Variants in UPF2 observed in about 807,000 individuals in gnomAD.
UPF2 encodes regulator of nonsense transcripts 2.
UPF2 carries 17 observed loss-of-function variants against 141.4 expected under a neutral mutation model. The ratio of observed to expected loss-of-function variants is 0.12; its 90% CI spans 0.08 to 0.18. The LOEUF is 0.18. Ranked by LOEUF, UPF2 falls within the 10% of genes least tolerant of loss-of-function variation. The probability of loss-of-function intolerance (pLI) is 1.00; values close to 1 mark genes in which losing one functional copy is unlikely to be tolerated. For synonymous variants in UPF2, 540 were observed against 498.0 expected, an observed-to-expected ratio of 1.08 and a Z score of -1.12; for missense variants, 1,152 against 1,515.9, an observed-to-expected ratio of 0.76 and a Z score of 3.99.
chr10:12,025,697 G>A (rs984326875), intron 3 of UPF2, among the ~76,000 whole-genome samples: 2 of 152,292 alleles, frequency 1.3e-5, no homozygotes, highest in East Asian at 3.9e-4. Context: ...CCACAAAGCT[G>A]TATTCTTAAC....
rs549097380 is a variant in UPF2 at position 11,991,029 on chromosome 10, T to C, written c.1844+6643A>G. ...AAAGGAAACCTGTTAATAACAAAGC[T>C]GAGCAAATCTAACTCATGATACGTA... On this transcript the variant is annotated intron_variant, in intron 8 of 21. Transcript: ENST00000357604. Among the ~76,000 whole-genome samples the C allele has an allele frequency of 4.1e-3, 608 of 150,046 alleles. 5 individuals carry two copies. The highest frequency in any genetic ancestry group is 5.4e-3 in the Non-Finnish European group (364 of 67,620).
rs549002630 is a variant in UPF2, at chr10:12,041,510, G to A, written c.-19+1245C>T. Among the ~76,000 whole-genome samples, 5 of 152,242 alleles carry A rather than the reference G, an allele frequency of 3.3e-5. No homozygotes were observed. In the South Asian group the frequency reaches 8.3e-4, roughly 25 times the overall value. ...ACTAGAAGTACCAATGGAGTGTATT[G>A]GGGGGAAGAGGGCACAAAAGGGGGT... On this transcript the variant is annotated intron_variant, in intron 1 of 21. Transcript: ENST00000357604.
intron 4 of UPF2, among the ~76,000 whole-genome samples, chr10:12,010,671 GA>G (rs974855360): frequency 6.6e-6 from 1 of 151,982 alleles, no homozygotes; most frequent in Non-Finnish European, 1.5e-5. Flanking sequence ...AAACACAATT[GA>G]AAAATAAAGG....
At chr10:12,022,250 A>C (rs1306643011) in intron 3 of UPF2, among the ~76,000 whole-genome samples, 1 of 151,890 alleles carries the variant, frequency 6.6e-6, no homozygotes, top group East Asian at 1.9e-4. Context: ...TGTCTCTTCT[A>C]AAACACAAAA....
At chr10:11,963,988 C>G in intron 11 of UPF2, 21 bp downstream of exon 11, 1 of 1,564,980 alleles carries the variant, frequency 6.4e-7, no homozygotes, top group Non-Finnish European at 8.8e-7. Flanking sequence ...CTAGCTCTTA[C>G]CAGCATCCTC....
intron 3 of UPF2, among the ~76,000 whole-genome samples, chr10:12,023,550 C>T (rs1307882492): frequency 2.0e-5 from 3 of 148,996 alleles, no homozygotes; most frequent in East Asian, 2.0e-4. Context: ...ATTAGCCAGG[C>T]GTGGTGGTGC....
Position 11,936,749 on chromosome 10 carries a change from AGATATATAC to A in UPF2, c.3379-46_3379-38del, listed in dbSNP as rs1198260143. 6.4e-7 allele frequency: 1 copy of A among 1,557,884 alleles called. No individual in the cohort carries two copies. The highest frequency in any genetic ancestry group is 8.7e-7 in the Non-Finnish European group (1 of 1,152,110). ...TAAAAAGGACATAATAAACACTCCA[AGATATATAC>A]GGATATATGTCAATATAAATTGCAA... On this transcript the variant is annotated intron_variant, in intron 18 of 21. Transcript: ENST00000357604. This position sits in a 1 kb window ranked among gnomAD's most constrained non-coding sequence, Gnocchi z 6.6.
intron 8 of UPF2, among the ~76,000 whole-genome samples, chr10:11,995,258 A>G (rs1028377352): frequency 2.6e-5 from 4 of 152,200 alleles, no homozygotes; most frequent in Admixed American, 6.5e-5. Context: ...GAGTAGAGAG[A>G]GCAAACAGTA....
intron 3 of UPF2, among the ~76,000 whole-genome samples, chr10:12,024,014 G>A (rs553787399): frequency 6.6e-6 from 1 of 152,094 alleles, no homozygotes; most frequent in Admixed American, 6.5e-5. Flanking sequence ...AATAATAAAA[G>A]ATATTGAATA....
intron 8 of UPF2, among the ~76,000 whole-genome samples, chr10:11,989,657 G>C (rs1222622754): frequency 6.6e-6 from 1 of 152,188 alleles, no homozygotes; most frequent in East Asian, 1.9e-4. Context: ...GGGACACAAT[G>C]TTACCCCAAT....
intron 8 of UPF2, among the ~76,000 whole-genome samples, chr10:11,990,594 A>C (rs903350657): frequency 8.1e-5 from 12 of 148,138 alleles, no homozygotes; most frequent in African/African-American, 2.2e-4. Context: ...GCAGGAGAAT[A>C]GCGTGAACCT....
intron 21 of UPF2, among the ~76,000 whole-genome samples, chr10:11,922,164 C>T (rs1832653552): frequency 6.6e-6 from 1 of 152,194 alleles, no homozygotes; most frequent in Non-Finnish European, 1.5e-5. Flanking sequence ...CAGTCTTCCT[C>T]CAGGCCTCAG....
At chr10:11,941,014 G>A (rs1832929958) in intron 18 of UPF2, among the ~76,000 whole-genome samples, 1 of 151,928 alleles carries the variant, frequency 6.6e-6, no homozygotes, top group Non-Finnish European at 1.5e-5. Flanking sequence ...ATCCTATCTA[G>A]GAATGCCCTT....
At chr10:11,964,258 G>C (rs1424495219) in intron 10 of UPF2, 133 bp from the exon 11 acceptor site, 1 of 492,834 alleles carries the variant, frequency 2.0e-6, no homozygotes, top group Non-Finnish European at 3.4e-6. Context: ...TGGGTTCACT[G>C]CTGAGCATCT....
chr10:11,970,072 G>A (rs2131211952), intron 9 of UPF2, among the ~76,000 whole-genome samples: 1 of 152,292 alleles, frequency 6.6e-6, no homozygotes, highest in East Asian at 1.9e-4. Context: ...TAGAATGTCT[G>A]TGCTCTTGAG....
chr10:11,991,877 G>A (rs1010537754), intron 8 of UPF2, among the ~76,000 whole-genome samples: 13 of 152,186 alleles, frequency 8.5e-5, no homozygotes, highest in African/African-American at 3.1e-4. Flanking sequence ...CAGGCGCAGT[G>A]GCTCACACCC....
At chr10:12,024,264 C>G (rs1834369339) in intron 3 of UPF2, among the ~76,000 whole-genome samples, 1 of 151,668 alleles carries the variant, frequency 6.6e-6, no homozygotes, top group East Asian at 1.9e-4. Flanking sequence ...TCGAGGCCAG[C>G]CTGGACAACA....
Position 11,931,835 on chromosome 10 carries a change from G to GA in UPF2, c.3547-54dup. ...AATAGTTTGAGAACACTGAGAGAAA[G>GA]AAAAAACAGACTTCAAATAAAATAG... On this transcript the variant is annotated intron_variant, in intron 19 of 21. Transcript: ENST00000357604. This position sits in a 1 kb window ranked among gnomAD's most constrained non-coding sequence, Gnocchi z 5.9. 6.5e-7 allele frequency: 1 copy of GA among 1,547,912 alleles called. No homozygotes were observed. The highest frequency in any genetic ancestry group is 2.3e-5 in the East Asian group (1 of 43,558).
chr10:11,970,789 G>C (rs1833403505), intron 9 of UPF2, among the ~76,000 whole-genome samples: 1 of 151,996 alleles, frequency 6.6e-6, no homozygotes, highest in African/African-American at 2.4e-5. Flanking sequence ...TCCAGCCCGG[G>C]CGACAGAGTG....
Sources: gnomAD v4.1 joint callset for allele counts (sites outside exome capture counted in the v4.1 genomes callset) on GRCh38, gnomAD v4.1.1 for gene constraint, Gnocchi (gnomAD v3.1) non-coding constraint, MANE v1.5 for transcripts, NCBI Gene and HGNC (gene_info 2026-07-23, HGNC 2026-07-21) for gene names.